Variants in ERP44 observed in about 807,000 individuals in gnomAD.
ERP44 encodes the protein endoplasmic reticulum protein 44, also known as endoplasmic reticulum resident protein 44.
A neutral mutation model predicts 53.4 loss-of-function variants in ERP44; 25 were observed. The ratio of observed to expected loss-of-function variants is 0.47; its 90% CI spans 0.34 to 0.65. The LOEUF (loss-of-function observed/expected upper bound fraction) is 0.65, where lower values mean the gene tolerates loss of function less well. ERP44 is among the 30% of genes least tolerant of loss of function. ERP44 has a pLI of 0.01. For synonymous variants in ERP44, 145 were observed against 161.2 expected (o/e 0.90, Z 0.76); for missense variants, 338 against 493.2 (o/e 0.69, Z 2.98).
intron 3 of ERP44, among the ~76,000 whole-genome samples, chr9:100,053,457 T>C (rs893387906): frequency 2.0e-5 from 3 of 152,172 alleles, no homozygotes; most frequent in Admixed American, 2.0e-4. Flanking sequence ...AATACACCAT[T>C]AGGCGATTTC....
chr9:100,061,129 A>G (rs1012847705), intron 1 of ERP44, among the ~76,000 whole-genome samples: 3 of 152,236 alleles, frequency 2.0e-5, no homozygotes, highest in African/African-American at 7.2e-5. Flanking sequence ...TAGTATATAC[A>G]TAAGCCCAAC....
At chr9:100,033,940 C>A (rs972004448) in intron 4 of ERP44, among the ~76,000 whole-genome samples, 3 of 152,122 alleles carry the variant, frequency 2.0e-5, no homozygotes, top group Admixed American at 2.0e-4. Flanking sequence ...GGATCTTTGT[C>A]CCTCTACAAT....
intron 3 of ERP44, among the ~76,000 whole-genome samples, chr9:100,056,581 C>T (rs1483499618): frequency 6.6e-6 from 1 of 152,082 alleles, no homozygotes; most frequent in African/African-American, 2.4e-5. Context: ...AACAGAAGGG[C>T]TCCTAATCAG....
chr9:100,092,226 GA>G (rs1826566839), intron 1 of ERP44, among the ~76,000 whole-genome samples: 1 of 152,210 alleles, frequency 6.6e-6, no homozygotes, highest in Non-Finnish European at 1.5e-5. Flanking sequence ...TTGGTTAGAA[GA>G]AATAGAGTAC....
intron 8 of ERP44, among the ~76,000 whole-genome samples, chr9:100,015,577 GACA>G (rs1271071740): frequency 6.6e-6 from 1 of 152,216 alleles, no homozygotes. Flanking sequence ...TAATGGAAAA[GACA>G]ACATTAACTG....
rs1303205332 is a variant in ERP44 at position 99,980,217 on chromosome 9, G to GTT, written c.*2393_*2394dup. 1 of 395,948 alleles carries GTT rather than the reference G, an allele frequency of 2.5e-6. No individual in the cohort carries two copies. The highest frequency in any genetic ancestry group is 2.1e-5 in the African/African-American group (1 of 48,544). 24.5% of individuals were successfully genotyped at this position (395,948 alleles called of 1,614,324 possible). A position where few individuals can be genotyped will look rare whatever the true frequency, so the allele number is the denominator to read the frequency against. Reference sequence around the variant, plus strand: ...ACATCTATAACACGTTACAGTCATTGTTTACATATCCATATGCCTGACTAG... The same window carrying GTT: ...ACATCTATAACACGTTACAGTCATTGTTTTTACATATCCATATGCCTGACTAG... On this transcript the variant is annotated 3_prime_UTR_variant, in exon 12 of 12. Transcript: ENST00000262455.
intron 10 of ERP44, among the ~76,000 whole-genome samples, chr9:100,002,883 A>G (rs1015549247): frequency 2.7e-4 from 41 of 152,112 alleles, no homozygotes; most frequent in Middle Eastern, 3.4e-3. Flanking sequence ...AGCTTTTTTT[A>G]TTTTAAATAA....
chr9:100,043,866 G>T (rs977238162), intron 4 of ERP44, among the ~76,000 whole-genome samples: 3 of 152,128 alleles, frequency 2.0e-5, no homozygotes, highest in African/African-American at 7.2e-5. Context: ...AAGTTCTAGT[G>T]TTGTTCTACA....
chr9:100,008,143 TG>T (rs1435269388), intron 8 of ERP44, among the ~76,000 whole-genome samples: 1 of 152,232 alleles, frequency 6.6e-6, no homozygotes, highest in African/African-American at 2.4e-5. Flanking sequence ...CAAAATTTTT[TG>T]TATTTTTTTA....
At chr9:100,062,308 G>A (rs189713151) in intron 1 of ERP44, among the ~76,000 whole-genome samples, 2 of 152,128 alleles carry the variant, frequency 1.3e-5, no homozygotes, top group African/African-American at 4.8e-5. Context: ...TTTTATTATA[G>A]GAGTCTCAGA....
At chr9:100,060,224 AC>A (rs543850121) in intron 1 of ERP44, 52 bp from the exon 2 acceptor site, 9 of 1,378,882 alleles carry the variant, frequency 6.5e-6, no homozygotes, top group Non-Finnish European at 8.5e-6. Context: ...AAAGACAAAT[AC>A]GTAAAAGCGA....
At position 100,052,432 on chromosome 9, in the gene ERP44, C is replaced by T. The variant is rs779041566; in HGVS notation, c.271G>A (p.Asp91Asn). 3 of 1,609,110 alleles carry T rather than the reference C, an allele frequency of 1.9e-6. No homozygotes were observed. In the Admixed American group the frequency reaches 5.0e-5, roughly 27 times the overall value. The stretch of plus-strand genomic sequence containing the variant: ...AGGTACTTACAGTGCTGATCACAAT[C>T]AACTCTGGCAAACACTACTTGATTT... ...NENQVVFARV[D>N]CDQHSDIAQR... Residue 91 changes from aspartate (D) to asparagine (N), a missense_variant, in exon 4 of 12, where the codon GAT becomes AAT. Coordinates refer to ENST00000262455, the MANE Select transcript of ERP44 (RefSeq NM_015051.3).
At chr9:100,003,354 T>C (rs1472484710) in intron 10 of ERP44, among the ~76,000 whole-genome samples, 1 of 152,264 alleles carries the variant, frequency 6.6e-6, no homozygotes, top group Non-Finnish European at 1.5e-5. Flanking sequence ...GTTACGTTTA[T>C]GTCTCCTTGG....
At chr9:100,055,129 T>G (rs969431773) in intron 3 of ERP44, among the ~76,000 whole-genome samples, 7 of 152,144 alleles carry the variant, frequency 4.6e-5, no homozygotes, top group Non-Finnish European at 1.0e-4. Context: ...TAAAAGGAAA[T>G]TATAATACCT....
At chr9:100,018,340 A>G in intron 6 of ERP44, 27 bp from the exon 7 acceptor site, 1 of 1,417,178 alleles carries the variant, frequency 7.1e-7, no homozygotes, top group Admixed American at 1.7e-5. Flanking sequence ...ATAGTAATAA[A>G]CCTGAATGAC....
intron 1 of ERP44, among the ~76,000 whole-genome samples, chr9:100,088,185 C>G (rs972076657): frequency 1.3e-5 from 2 of 152,246 alleles, no homozygotes; most frequent in Admixed American, 1.3e-4. Context: ...AAATAAAGCA[C>G]AGAATAGAAA....
chr9:99,982,772 T>C, intron 11 of ERP44, 59 bp from the exon 12 acceptor site: 1 of 1,086,324 alleles, frequency 9.2e-7, no homozygotes, highest in South Asian at 1.6e-5. Context: ...CTATAATATT[T>C]TAATAAGTGT....
chr9:100,045,423 C>T (rs1399278236), intron 4 of ERP44, among the ~76,000 whole-genome samples: 1 of 152,114 alleles, frequency 6.6e-6, no homozygotes, highest in Non-Finnish European at 1.5e-5. Flanking sequence ...GCTATAGAAC[C>T]TTCCACATAG....
At chr9:100,083,430 TA>T (rs1324802847) in intron 1 of ERP44, among the ~76,000 whole-genome samples, 4 of 152,052 alleles carry the variant, frequency 2.6e-5, no homozygotes, top group East Asian at 1.9e-4. Flanking sequence ...GAAAGCCAGA[TA>T]GGGGGGTTGA....
Sources: allele counts gnomAD v4.1 joint callset (sites outside exome capture counted in the v4.1 genomes callset), GRCh38; gene constraint gnomAD v4.1.1; transcripts MANE v1.5; gene names NCBI Gene and HGNC (gene_info 2026-07-23, HGNC 2026-07-21).